The following GRM7 variants were observed in gnomAD, a reference collection of about 807,000 sequenced individuals.
GRM7 encodes glutamate metabotropic receptor 7.
A neutral mutation model predicts 84.5 loss-of-function variants in GRM7; 35 were observed. The observed-to-expected ratio is 0.41, with a 90% CI of 0.32 to 0.55. The LOEUF (loss-of-function observed/expected upper bound fraction) is 0.55. GRM7 is among the 20% of genes least tolerant of loss of function. The pLI is 0.19. For missense variants in GRM7, 1,003 were observed against 1,194.6 expected, an observed-to-expected ratio of 0.84 and a Z score of 2.36; for synonymous variants, 487 against 455.1, an observed-to-expected ratio of 1.07 and a Z score of -0.89.
At chr3:7,521,900 G>A (rs1184273452) in intron 7 of GRM7, among the ~76,000 whole-genome samples, 3 of 152,142 alleles carry the variant, frequency 2.0e-5, no homozygotes, top group Non-Finnish European at 4.4e-5. Context: ...ATTGAAGAGA[G>A]GTAGATGAAG....
intron 4 of GRM7, among the ~76,000 whole-genome samples, chr3:7,341,334 A>G (rs1489969166): frequency 2.6e-5 from 4 of 151,966 alleles, no homozygotes; most frequent in South Asian, 2.1e-4. Context: ...GCAGGGGTTG[A>G]GAAGATAATG....
At chr3:7,137,411 G>C (rs1289253020) in intron 1 of GRM7, among the ~76,000 whole-genome samples, 1 of 151,932 alleles carries the variant, frequency 6.6e-6, no homozygotes, top group African/African-American at 2.4e-5. Flanking sequence ...TTTATTCCCT[G>C]TTTGCTTGTT....
Position 6,914,152 on chromosome 3 carries a change from T to C in GRM7, c.519+52245T>C, listed in dbSNP as rs372262289. Among the ~76,000 whole-genome samples, 17 of 152,294 alleles carry C rather than the reference T, an allele frequency of 1.1e-4. No individual in the cohort carries two copies. The East Asian group carries it at 2.3e-3, about 21-fold the overall frequency. ...GACTGAATCCTCCTTTGCCTTCAAG[T>C]ACTTTAGAAAATGCTATTCTTTCCA... On this transcript the variant is annotated intron_variant, in intron 1 of 9. Coordinates refer to ENST00000357716, the MANE Select transcript of GRM7 (RefSeq NM_000844.4).
intron 1 of GRM7, among the ~76,000 whole-genome samples, chr3:7,112,735 T>C (rs928442365): frequency 6.6e-5 from 10 of 152,150 alleles, no homozygotes; most frequent in African/African-American, 1.9e-4. Flanking sequence ...GGTAAATGTA[T>C]TGATGCCATG....
chr3:7,539,750 G>A (rs17664792), intron 7 of GRM7, among the ~76,000 whole-genome samples: 10,301 of 151,320 alleles, frequency 0.068, 464 homozygotes, highest in Non-Finnish European at 0.096. Context: ...AAATGCAGAA[G>A]GAGGAGTTAA....
chr3:7,002,184 G>A (rs1025281844), intron 1 of GRM7, among the ~76,000 whole-genome samples: 1 of 152,096 alleles, frequency 6.6e-6, no homozygotes, highest in African/African-American at 2.4e-5. Flanking sequence ...ATTAAGAGAA[G>A]GTATTATCTA....
chr3:7,636,005 T>G (rs1049917451), intron 8 of GRM7, among the ~76,000 whole-genome samples: 1 of 152,210 alleles, frequency 6.6e-6, no homozygotes, highest in Non-Finnish European at 1.5e-5. Context: ...TAATTTACTT[T>G]GCTTCAAAAA....
intron 1 of GRM7, among the ~76,000 whole-genome samples, chr3:7,104,584 C>G (rs1427784836): frequency 4.0e-5 from 6 of 151,740 alleles, no homozygotes; most frequent in African/African-American, 1.5e-4. Flanking sequence ...TTATCTCTAG[C>G]AAAAGTAATT....
intron 4 of GRM7, among the ~76,000 whole-genome samples, chr3:7,332,782 A>T (rs1291866992): frequency 6.6e-6 from 1 of 152,182 alleles, no homozygotes; most frequent in Admixed American, 6.5e-5. Flanking sequence ...TCTGTGAGAC[A>T]GTTGAAAAAC....
intron 8 of GRM7, among the ~76,000 whole-genome samples, chr3:7,637,026 G>T (rs1221606022): frequency 6.6e-6 from 1 of 152,194 alleles, no homozygotes; most frequent in Non-Finnish European, 1.5e-5. Context: ...TACTCCAGAT[G>T]ATTTGAGGCA....
intron 2 of GRM7, among the ~76,000 whole-genome samples, chr3:7,240,121 T>TTTTTTG (rs1491107018): frequency 5.9e-4 from 18 of 30,746 alleles, no homozygotes; most frequent in African/African-American, 2.1e-3. Flanking sequence ...GCATGTGAGG[T>TTTTTTG]TTTTTTTTTT....
At chr3:6,876,925 A>G (rs1695328295) in intron 1 of GRM7, among the ~76,000 whole-genome samples, 1 of 152,030 alleles carries the variant, frequency 6.6e-6, no homozygotes, top group Non-Finnish European at 1.5e-5. Flanking sequence ...AAGTTGTGTA[A>G]CCCTACGAAG....
chr3:7,078,933 T>G (rs894299012), intron 1 of GRM7, among the ~76,000 whole-genome samples: 1 of 151,730 alleles, frequency 6.6e-6, no homozygotes, highest in East Asian at 1.9e-4. Context: ...ATCTTCGAAG[T>G]GAGAAAGGTA....
At chr3:7,078,027 A>G (rs942775184) in intron 1 of GRM7, among the ~76,000 whole-genome samples, 4 of 152,206 alleles carry the variant, frequency 2.6e-5, no homozygotes, top group African/African-American at 9.6e-5. Context: ...TAGCGTGAAC[A>G]AATAACAGCA....
At chr3:7,191,032 C>T (rs573491064) in intron 2 of GRM7, among the ~76,000 whole-genome samples, 122 of 152,138 alleles carry the variant, frequency 8.0e-4, no homozygotes, top group African/African-American at 2.8e-3. Flanking sequence ...GCTAATTTTT[C>T]AATATAACAG....
intron 4 of GRM7, among the ~76,000 whole-genome samples, chr3:7,353,578 T>C (rs1693254977): frequency 6.6e-6 from 1 of 152,072 alleles, no homozygotes. Flanking sequence ...GGAATTACAG[T>C]GTTGATTTGT....
intron 5 of GRM7, among the ~76,000 whole-genome samples, chr3:7,422,719 A>G (rs1696447632): frequency 6.6e-6 from 1 of 152,162 alleles, no homozygotes. Flanking sequence ...TTTAGAACAC[A>G]AAGGTCAGTC....
At chr3:7,082,756 A>G (rs1272724600) in intron 1 of GRM7, among the ~76,000 whole-genome samples, 1 of 152,114 alleles carries the variant, frequency 6.6e-6, no homozygotes, top group Non-Finnish European at 1.5e-5. Context: ...AGTTTGGAAG[A>G]AATTGATTCC....
intron 4 of GRM7, among the ~76,000 whole-genome samples, chr3:7,359,760 A>G (rs1693580583): frequency 6.7e-6 from 1 of 148,632 alleles, no homozygotes; most frequent in African/African-American, 2.5e-5. Flanking sequence ...CACATGGCAC[A>G]TGATAGGTGT....
Sources: allele counts gnomAD v4.1 joint callset (sites outside exome capture counted in the v4.1 genomes callset), GRCh38; gene constraint gnomAD v4.1.1; transcripts MANE v1.5; gene names NCBI Gene and HGNC (gene_info 2026-07-23, HGNC 2026-07-21).